The following PIK3R5 variants were observed in gnomAD, a reference collection of about 807,000 sequenced individuals.
PIK3R5 encodes the protein phosphoinositide 3-kinase regulatory subunit 5.
In PIK3R5, 32 loss-of-function variants were observed where a neutral mutation model predicts 94.9. That is an observed-to-expected ratio of 0.34 (90% confidence interval 0.25 to 0.45). The LOEUF (loss-of-function observed/expected upper bound fraction) is 0.45, where lower values mean the gene tolerates loss of function less well. PIK3R5 is among the 20% of genes least tolerant of loss of function. The probability of loss-of-function intolerance (pLI) is 1.00; values close to 1 mark genes in which losing one functional copy is unlikely to be tolerated. For synonymous variants in PIK3R5, 443 were observed against 479.4 expected, an observed-to-expected ratio of 0.92 and a Z score of 0.99; for missense variants, 853 against 1,144.6, an observed-to-expected ratio of 0.75 and a Z score of 3.68.
intron 5 of PIK3R5, among the ~76,000 whole-genome samples, chr17:8,895,557 T>G (rs1414105008): frequency 6.6e-6 from 1 of 152,186 alleles, no homozygotes; most frequent in East Asian, 1.9e-4. Flanking sequence ...ATCCTCACGC[T>G]GCTTGAACTT....
rs2089646459 is a variant in PIK3R5 at position 8,881,111 on chromosome 17, T to C, written c.2383-94A>G. On this transcript the variant is annotated intron_variant, in intron 17 of 18. Transcript: ENST00000447110. The surrounding 1 kb of genome is among the most constrained non-coding windows in gnomAD (Gnocchi z 4.8). ...TTTCTCAGAACTGCCCATCCACTTC[T>C]AGGGGTGTGGGAGGGCAGGGGTTTG... 3.2e-6 allele frequency: 3 copies of C among 923,320 alleles called. No homozygotes were observed. Among genetic ancestry groups the C allele is most frequent in the African/African-American group, 3.2e-5 (2 of 61,834 alleles). The allele number at this position is 923,320 out of a possible 1,614,324, so 57.2% of individuals were successfully genotyped here.
chr17:8,941,368 G>C (rs1323870225), intron 1 of PIK3R5, among the ~76,000 whole-genome samples: 1 of 152,008 alleles, frequency 6.6e-6, no homozygotes, highest in African/African-American at 2.4e-5. Context: ...AAGACAAGAA[G>C]GAGAAAGAAA....
rs772614802 is a variant in PIK3R5, at chr17:8,888,680, C to T, written c.1107G>A (p.Pro369=). The T allele has an allele frequency of 1.6e-5, 26 of 1,613,862 alleles. No homozygotes were observed. The highest frequency in any genetic ancestry group is 4.5e-5 in the East Asian group (2 of 44,886). ...AAGTCAGCAGATGGCGCGAGAGGGC[C>T]GGCCCCGAGGCCTGGGAGGATGCAA... ...LSLASSQASG[P]ALSRHLLTSF... Residue 369 remains proline (P), a synonymous_variant, in exon 10 of 19, where the codon CCG becomes CCA. Coordinates refer to ENST00000447110, the MANE Select transcript of PIK3R5 (RefSeq NM_001142633.3). The surrounding 1 kb of genome is among the most constrained non-coding windows in gnomAD (Gnocchi z 7.8).
At chr17:8,901,010 A>G (rs61759596) in intron 5 of PIK3R5, among the ~76,000 whole-genome samples, 177 of 152,282 alleles carry the variant, frequency 1.2e-3, no homozygotes, top group African/African-American at 4.0e-3. Context: ...TGCATTTTAA[A>G]TTCTTTCTCT....
In PIK3R5 at chr17:8,881,478, C is replaced by T. The variant is rs1567629880; in HGVS notation, c.2382+152G>A. On this transcript the variant is annotated intron_variant, in intron 17 of 18. Transcript: ENST00000447110. The surrounding 1 kb of genome is among the most constrained non-coding windows in gnomAD (Gnocchi z 4.8). The stretch of plus-strand genomic sequence containing the variant: ...CTGCCTCTCCTCCCCCACCTCTCCT[C>T]TCTCTCTCACACACACACAAGTATG... The T allele has an allele frequency of 1.4e-6, 1 of 703,160 alleles. No homozygotes were observed. The highest frequency in any genetic ancestry group is 2.5e-6 in the Non-Finnish European group (1 of 396,580). The allele number at this position is 703,160 out of a possible 1,614,324, so 43.6% of individuals were successfully genotyped here.
At chr17:8,960,833 C>T (rs574198299) in intron 1 of PIK3R5, among the ~76,000 whole-genome samples, 35 of 152,284 alleles carry the variant, frequency 2.3e-4, no homozygotes, top group Non-Finnish European at 3.4e-4. Flanking sequence ...ACACCACTCC[C>T]TCCGGGCCCC....
Position 8,890,173 on chromosome 17 carries a change from GCTGTCCAC to G in PIK3R5, c.658-55_658-48del, listed in dbSNP as rs774402584. On this transcript the variant is annotated intron_variant, in intron 7 of 18. Transcript: ENST00000447110. This position sits in a 1 kb window ranked among gnomAD's most constrained non-coding sequence, Gnocchi z 6.1. ...GGCTTTGCTCCTGGACCGTGAGCTA[GCTGTCCAC>G]CTGTTCCAGTTGCTAGCTTCTTACT... The G allele has an allele frequency of 1.3e-6, 2 of 1,593,480 alleles. No homozygotes were observed. The highest frequency in any genetic ancestry group is 4.5e-5 in the East Asian group (2 of 44,654).
rs80092551 is a variant in PIK3R5 at position 8,919,297 on chromosome 17, A to G, written c.-13-7790T>C. On this transcript the variant is annotated intron_variant, in intron 1 of 18. Coordinates refer to ENST00000447110, the MANE Select transcript of PIK3R5 (RefSeq NM_001142633.3). ...AGAGGAAGCTGAGTGAATGGTAGACATGGCTCTAAGACCTTTTATATATTT... is the reference window on the plus strand; with the variant it reads ...AGAGGAAGCTGAGTGAATGGTAGACGTGGCTCTAAGACCTTTTATATATTT... 4.2e-3 allele frequency among the ~76,000 whole-genome samples: 639 copies of G among 152,362 alleles called. 5 individuals carry two copies. The highest frequency in any genetic ancestry group is 0.013 in the African/African-American group (552 of 41,586).
At chr17:8,907,988 G>A (rs927674792) in intron 3 of PIK3R5, among the ~76,000 whole-genome samples, 2 of 152,130 alleles carry the variant, frequency 1.3e-5, no homozygotes, top group Non-Finnish European at 2.9e-5. Flanking sequence ...TCTCATTATG[G>A]TTTTAATTTG....
rs2089966963 is a variant in PIK3R5 at position 8,889,427 on chromosome 17, C to T, written c.812-205G>A. ...TCTTTCAAGCACACCATGTAGATGG[C>T]ATGCCCTTTATGAGCTGTGCGAATG... is the stretch of plus-strand genomic sequence containing the variant. On this transcript the variant is annotated intron_variant, in intron 8 of 18. Transcript: ENST00000447110. The surrounding 1 kb of genome is among the most constrained non-coding windows in gnomAD (Gnocchi z 4.1). Among the ~76,000 whole-genome samples the T allele has an allele frequency of 6.6e-6, 1 of 152,190 alleles. No individual in the cohort carries two copies. Among genetic ancestry groups the T allele is most frequent in the African/African-American group, 2.4e-5 (1 of 41,448 alleles).
chr17:8,936,727 GTGT>G (rs2091084436), intron 1 of PIK3R5, among the ~76,000 whole-genome samples: 1 of 152,108 alleles, frequency 6.6e-6, no homozygotes, highest in Admixed American at 6.5e-5. Flanking sequence ...CTTCAATGTT[GTGT>G]TGTTTATTCT....
In PIK3R5 at chr17:8,890,933, C is replaced by T. The variant is rs763749047; in HGVS notation, c.483-21G>A. On this transcript the variant is annotated intron_variant, in intron 6 of 18. Coordinates refer to ENST00000447110, the MANE Select transcript of PIK3R5 (RefSeq NM_001142633.3). The surrounding 1 kb of genome is among the most constrained non-coding windows in gnomAD (Gnocchi z 6.1). ...CGGTGCTGGGGACACAGGGGACCGG[C>T]TATGGCACCCAGGGGTGCGCAGCAT... is the stretch of plus-strand genomic sequence containing the variant. The T allele has an allele frequency of 6.2e-7, 1 of 1,610,194 alleles. No homozygotes were observed. Among genetic ancestry groups the T allele is most frequent in the Non-Finnish European group, 8.5e-7 (1 of 1,178,970 alleles).
intron 1 of PIK3R5, among the ~76,000 whole-genome samples, chr17:8,943,719 G>C (rs1417367943): frequency 2.0e-5 from 3 of 152,140 alleles, no homozygotes; most frequent in Admixed American, 2.0e-4. Flanking sequence ...GTTGCAGTGA[G>C]CCGAGATTGT....
Position 8,945,069 on chromosome 17 carries a change from G to A in PIK3R5, c.-14+20527C>T, listed in dbSNP as rs1046073130. 6.6e-6 allele frequency among the ~76,000 whole-genome samples: 1 copy of A among 152,042 alleles called. No homozygotes were observed. The highest frequency in any genetic ancestry group is 2.4e-5 in the African/African-American group (1 of 41,418). On this transcript the variant is annotated intron_variant, in intron 1 of 18. Coordinates refer to ENST00000447110, the MANE Select transcript of PIK3R5 (RefSeq NM_001142633.3). This position sits in a 1 kb window ranked among gnomAD's most constrained non-coding sequence, Gnocchi z 4.0. The stretch of plus-strand genomic sequence containing the variant: ...GGGGTCCAGGAAGCCCTGCTGTGGA[G>A]CAGCCCAGAGACCTGGCAAAGCTTT...
At chr17:8,961,458 A>C (rs1252005704) in intron 1 of PIK3R5, among the ~76,000 whole-genome samples, 1 of 152,190 alleles carries the variant, frequency 6.6e-6, no homozygotes, top group East Asian at 1.9e-4. Flanking sequence ...AACTTGGCGA[A>C]ACCCCATCTC....
intron 1 of PIK3R5, among the ~76,000 whole-genome samples, chr17:8,949,520 C>A (rs965892242): frequency 6.6e-6 from 1 of 152,060 alleles, no homozygotes. Context: ...GTATAAGAGA[C>A]AGAGACAGAG....
rs2089878327 is a variant in PIK3R5 at position 8,887,086 on chromosome 17, G to A, written c.1905+10C>T. The A allele has an allele frequency of 6.2e-7, 1 of 1,613,676 alleles. No homozygotes were observed. The highest frequency in any genetic ancestry group is 1.7e-5 in the Admixed American group (1 of 59,982). The stretch of plus-strand genomic sequence containing the variant: ...AGTGGACCCTGTTCCGCAACCACGG[G>A]GCCACTTACCTGGCACAGGACTTCA... On this transcript the variant is annotated intron_variant, in intron 12 of 18. Transcript: ENST00000447110.
At chr17:8,912,217 G>A (rs1054541685) in intron 1 of PIK3R5, among the ~76,000 whole-genome samples, 3 of 152,112 alleles carry the variant, frequency 2.0e-5, no homozygotes, top group South Asian at 2.1e-4. Context: ...TTTTAGCCCC[G>A]TATGGGGAAC....
intron 1 of PIK3R5, among the ~76,000 whole-genome samples, chr17:8,936,630 G>A (rs114151797): frequency 0.021 from 3,241 of 152,058 alleles, 97 homozygotes; most frequent in African/African-American, 0.072. Context: ...ATATTCCATT[G>A]TATGGATGCA....
Sources: gnomAD v4.1 joint callset for allele counts (sites outside exome capture counted in the v4.1 genomes callset) on GRCh38, gnomAD v4.1.1 for gene constraint, Gnocchi (gnomAD v3.1) non-coding constraint, MANE v1.5 for transcripts, NCBI Gene and HGNC (gene_info 2026-07-23, HGNC 2026-07-21) for gene names.